AFF3: variants seen among roughly 807,000 people sequenced by gnomAD.
The protein encoded by AFF3 is ALF transcription elongation factor 3, also known as AF4/FMR2 family member 3.
In AFF3, 32 loss-of-function variants were observed where a neutral mutation model predicts 129.7. That is an observed-to-expected ratio of 0.25 (90% CI 0.19 to 0.33). The LOEUF (loss-of-function observed/expected upper bound fraction) is 0.33, where lower values mean the gene tolerates loss of function less well. AFF3 is among the 10% of genes least tolerant of loss of function. The pLI, the probability that AFF3 is intolerant of heterozygous loss-of-function variation, is 1.00. For missense variants in AFF3, 1,373 were observed against 1,592.0 expected (o/e 0.86, Z 2.34); for synonymous variants, 644 against 635.4 (o/e 1.01, Z -0.20).
chr2:99,678,452 T>G (rs907244927), intron 11 of AFF3, among the ~76,000 whole-genome samples: 1 of 152,236 alleles, frequency 6.6e-6, no homozygotes. Flanking sequence ...GTTAACTACC[T>G]GCAAATGTAA....
rs771134032 is a variant in AFF3 at position 99,906,713 on chromosome 2, G to A, written c.874-69189C>T. On this transcript the variant is annotated intron_variant, in intron 7 of 24. Transcript: ENST00000672756. ...ACTGGTGGACTTCAGCTTCAGCTCC[G>A]GACCACATGTTTCTTTCTACACTGC... 3.3e-5 allele frequency among the ~76,000 whole-genome samples: 5 copies of A among 152,002 alleles called. No individual in the cohort carries two copies. The South Asian group carries it at 6.2e-4, about 19-fold the overall frequency.
intron 8 of AFF3, among the ~76,000 whole-genome samples, chr2:99,799,428 T>C (rs990057596): frequency 6.6e-6 from 1 of 151,952 alleles, no homozygotes; most frequent in Non-Finnish European, 1.5e-5. Context: ...GTAGAAAATA[T>C]ACTTGAATAA....
At chr2:100,088,406 A>T (rs1689616643) in intron 4 of AFF3, among the ~76,000 whole-genome samples, 1 of 152,206 alleles carries the variant, frequency 6.6e-6, no homozygotes, top group Admixed American at 6.5e-5. Flanking sequence ...AATCACTGGC[A>T]CCTAAAAAGC....
chr2:99,608,346 C>T (rs1312888496), intron 13 of AFF3, among the ~76,000 whole-genome samples: 1 of 152,196 alleles, frequency 6.6e-6, no homozygotes, highest in African/African-American at 2.4e-5. Context: ...ATGTTTCCTC[C>T]TCTGAGTCCC....
chr2:99,573,878 C>T (rs1487071733), intron 18 of AFF3, among the ~76,000 whole-genome samples: 21 of 152,170 alleles, frequency 1.4e-4, no homozygotes, highest in Admixed American at 1.2e-3. Flanking sequence ...CTCCAGGGAG[C>T]GGCAGGCAGC....
At chr2:99,810,552 T>C (rs1686708165) in intron 8 of AFF3, among the ~76,000 whole-genome samples, 1 of 152,246 alleles carries the variant, frequency 6.6e-6, no homozygotes, top group South Asian at 2.1e-4. Context: ...ATCCTCCAGG[T>C]AATTGTGGTC....
chr2:99,732,402 GT>G (rs150304296), intron 10 of AFF3, among the ~76,000 whole-genome samples: 13 of 147,044 alleles, frequency 8.8e-5, no homozygotes, highest in South Asian at 2.2e-4. Flanking sequence ...TTTCTGGAGA[GT>G]TTTTTTTTTC....
intron 12 of AFF3, among the ~76,000 whole-genome samples, chr2:99,672,311 T>C (rs1296500001): frequency 6.6e-6 from 1 of 152,080 alleles, no homozygotes; most frequent in Non-Finnish European, 1.5e-5. Context: ...GTAATACCCA[T>C]TGCTGGTCTC....
chr2:99,821,540 A>G (rs1558883363), intron 8 of AFF3, among the ~76,000 whole-genome samples: 1 of 152,220 alleles, frequency 6.6e-6, no homozygotes, highest in Non-Finnish European at 1.5e-5. Flanking sequence ...AAAAAAGTTT[A>G]CGAATTTTTG....
At chr2:99,869,132 G>T (rs1483117022) in intron 7 of AFF3, among the ~76,000 whole-genome samples, 1 of 151,946 alleles carries the variant, frequency 6.6e-6, no homozygotes, top group Non-Finnish European at 1.5e-5. Context: ...CCTAGTTCTG[G>T]ACTTCCAGGT....
At chr2:99,611,625 C>A (rs866953697) in intron 13 of AFF3, among the ~76,000 whole-genome samples, 44 of 152,068 alleles carry the variant, frequency 2.9e-4, no homozygotes, top group Admixed American at 8.5e-4. Context: ...GTGGCTCACA[C>A]CTGTAATCCC....
At chr2:99,775,651 G>A (rs535682169) in intron 8 of AFF3, among the ~76,000 whole-genome samples, 3 of 151,430 alleles carry the variant, frequency 2.0e-5, no homozygotes, top group Non-Finnish European at 4.4e-5. Flanking sequence ...TAGCAAACTC[G>A]CACATCCTGC....
chr2:99,786,876 AT>A (rs1684834739), intron 8 of AFF3, among the ~76,000 whole-genome samples: 2 of 152,226 alleles, frequency 1.3e-5, no homozygotes, highest in Admixed American at 1.3e-4. Context: ...TAGTACGAGT[AT>A]TTTTATTGAT....
chr2:99,588,628 TCTGA>T (rs1013282219), intron 15 of AFF3, among the ~76,000 whole-genome samples: 132 of 152,316 alleles, frequency 8.7e-4, no homozygotes, highest in African/African-American at 2.9e-3. Context: ...AGAGAAAGAC[TCTGA>T]CTTTCTCGCT....
intron 13 of AFF3, among the ~76,000 whole-genome samples, chr2:99,646,253 T>C (rs1285165373): frequency 6.6e-6 from 1 of 152,178 alleles, no homozygotes; most frequent in Non-Finnish European, 1.5e-5. Flanking sequence ...AATGAGCCCA[T>C]GGATGAGCAA....
chr2:99,669,628 G>A (rs1996984), intron 12 of AFF3, among the ~76,000 whole-genome samples: 127,917 of 151,966 alleles, frequency 0.84, 53,899 homozygotes, highest in East Asian at 0.92. Flanking sequence ...TATTGGTTAT[G>A]TCATACACAT....
At chr2:99,723,940 C>T (rs77799929) in intron 11 of AFF3, among the ~76,000 whole-genome samples, 2,865 of 152,194 alleles carry the variant, frequency 0.019, 82 homozygotes, top group African/African-American at 0.063. Context: ...CACCTACAAG[C>T]GAAGGAGAGA....
At chr2:100,086,975 C>T (rs533690297) in intron 4 of AFF3, among the ~76,000 whole-genome samples, 174 of 152,332 alleles carry the variant, frequency 1.1e-3, no homozygotes, top group African/African-American at 4.0e-3. Context: ...ACCTACCCCA[C>T]AGTGGAGCTG....
At chr2:100,137,597 C>T (rs986942698) in intron 1 of AFF3, among the ~76,000 whole-genome samples, 1 of 151,982 alleles carries the variant, frequency 6.6e-6, no homozygotes, top group African/African-American at 2.4e-5. Flanking sequence ...GGATTTTATT[C>T]AAATACAACC....
Sources: gnomAD v4.1 joint callset for allele counts (sites outside exome capture counted in the v4.1 genomes callset) on GRCh38, gnomAD v4.1.1 for gene constraint, MANE v1.5 for transcripts, NCBI Gene and HGNC (gene_info 2026-07-23, HGNC 2026-07-21) for gene names.